The following MACROD2 variants were observed in gnomAD, a reference collection of about 807,000 sequenced individuals.
The protein encoded by MACROD2 is ADP-ribose glycohydrolase MACROD2.
A neutral mutation model predicts 70.4 loss-of-function variants in MACROD2; 36 were observed. The observed-to-expected ratio is 0.51, with a 90% CI of 0.39 to 0.68. The LOEUF (loss-of-function observed/expected upper bound fraction) is 0.68. Among genes scored for constraint, MACROD2 ranks in the 30% least tolerant of loss-of-function variants. MACROD2 has a pLI of 0.00. For missense variants in MACROD2, 496 were observed against 538.4 expected, an observed-to-expected ratio of 0.92 and a Z score of 0.78; for synonymous variants, 172 against 178.8, an observed-to-expected ratio of 0.96 and a Z score of 0.30.
chr20:15,806,851 TA>T (rs913084748), intron 8 of MACROD2, among the ~76,000 whole-genome samples: 3 of 152,106 alleles, frequency 2.0e-5, no homozygotes, highest in Non-Finnish European at 4.4e-5. Flanking sequence ...TAAGGGGTTC[TA>T]AAAAATTGAA....
intron 5 of MACROD2, among the ~76,000 whole-genome samples, chr20:15,179,069 C>T (rs959205687): frequency 1.3e-5 from 2 of 152,108 alleles, no homozygotes; most frequent in Non-Finnish European, 2.9e-5. Flanking sequence ...TCCTATATAA[C>T]CTAGATTGAG....
intron 6 of MACROD2, among the ~76,000 whole-genome samples, chr20:15,333,331 G>T (rs539087805): frequency 3.3e-5 from 5 of 151,624 alleles, no homozygotes; most frequent in Non-Finnish European, 7.4e-5. Flanking sequence ...CTTTTCTGCT[G>T]CCTCTTTCAG....
chr20:14,215,174 T>G (rs978560875), intron 3 of MACROD2, among the ~76,000 whole-genome samples: 3 of 148,416 alleles, frequency 2.0e-5, no homozygotes, highest in Non-Finnish European at 4.4e-5. Context: ...ATATATATAT[T>G]TTCCATCATA....
chr20:14,229,743 T>A (rs1290666994), intron 3 of MACROD2, among the ~76,000 whole-genome samples: 1 of 152,140 alleles, frequency 6.6e-6, no homozygotes, highest in Non-Finnish European at 1.5e-5. Context: ...ACACAAAAAC[T>A]TTTACATGAA....
intron 5 of MACROD2, among the ~76,000 whole-genome samples, chr20:14,686,237 A>C (rs2071000769): frequency 1.3e-5 from 2 of 152,168 alleles, no homozygotes; most frequent in South Asian, 4.1e-4. Flanking sequence ...TCTTTTTTTC[A>C]GATTTTGAAA....
intron 5 of MACROD2, among the ~76,000 whole-genome samples, chr20:15,090,131 C>T (rs2075782069): frequency 6.6e-6 from 1 of 151,642 alleles, no homozygotes; most frequent in South Asian, 2.1e-4. Context: ...TATAAATTCT[C>T]AAAGATATAT....
At chr20:14,652,017 A>G (rs1985703618) in intron 4 of MACROD2, among the ~76,000 whole-genome samples, 1 of 152,172 alleles carries the variant, frequency 6.6e-6, no homozygotes, top group Non-Finnish European at 1.5e-5. Context: ...TTGTAGTTTG[A>G]AAAGCCATAA....
intron 8 of MACROD2, among the ~76,000 whole-genome samples, chr20:15,592,903 C>T (rs1363400709): frequency 3.9e-5 from 6 of 151,966 alleles, no homozygotes; most frequent in Non-Finnish European, 8.8e-5. Context: ...CAAGCTTTTA[C>T]CAGTAAGAAG....
At chr20:15,658,130 AATT>A (rs1257375945) in intron 8 of MACROD2, among the ~76,000 whole-genome samples, 21 of 151,476 alleles carry the variant, frequency 1.4e-4, no homozygotes, top group Non-Finnish European at 1.5e-5. Context: ...ATTAAATAAT[AATT>A]CATTAATAAT....
intron 3 of MACROD2, among the ~76,000 whole-genome samples, chr20:14,236,931 T>C (rs1276549336): frequency 2.6e-5 from 4 of 152,170 alleles, no homozygotes; most frequent in East Asian, 1.9e-4. Context: ...TCCTTCTTTA[T>C]TGCCAAAATT....
chr20:15,597,375 A>T (rs1305695047), intron 8 of MACROD2, among the ~76,000 whole-genome samples: 1 of 152,154 alleles, frequency 6.6e-6, no homozygotes, highest in African/African-American at 2.4e-5. Context: ...CTCTGTTAGG[A>T]TTGGATTTAT....
intron 8 of MACROD2, among the ~76,000 whole-genome samples, chr20:15,826,877 C>T (rs1311302179): frequency 1.3e-5 from 2 of 152,252 alleles, no homozygotes; most frequent in East Asian, 3.9e-4. Context: ...AAAAATGTGG[C>T]TGACATATGA....
intron 3 of MACROD2, among the ~76,000 whole-genome samples, chr20:14,146,305 C>A (rs188872857): frequency 6.6e-6 from 1 of 151,882 alleles, no homozygotes; most frequent in Non-Finnish European, 1.5e-5. Context: ...GGCGACAGAG[C>A]GAGACCTCCG....
intron 5 of MACROD2, among the ~76,000 whole-genome samples, chr20:14,970,815 C>T (rs1361850647): frequency 6.6e-6 from 1 of 152,028 alleles, no homozygotes; most frequent in Admixed American, 6.6e-5. Context: ...TGAGGTCTCA[C>T]TATGTTGTCC....
At chr20:15,538,864 GATTA>G (rs2047914143) in intron 8 of MACROD2, among the ~76,000 whole-genome samples, 1 of 151,930 alleles carries the variant, frequency 6.6e-6, no homozygotes, top group Admixed American at 6.6e-5. Context: ...GATAGCAATG[GATTA>G]AATGGGTATT....
intron 8 of MACROD2, among the ~76,000 whole-genome samples, chr20:15,699,687 G>A (rs1422354141): frequency 6.6e-6 from 1 of 152,162 alleles, no homozygotes; most frequent in Non-Finnish European, 1.5e-5. Context: ...TCCCAGCTGC[G>A]AAAGAAAGGG....
chr20:15,904,807 GGAGGCGGAGCTT>G (rs1261825593), intron 10 of MACROD2, among the ~76,000 whole-genome samples: 1 of 151,292 alleles, frequency 6.6e-6, no homozygotes, highest in Non-Finnish European at 1.5e-5. Context: ...TGTGAAGCTG[GGAGGCGGAGCTT>G]GCAGTGAGCC....
At chr20:14,280,739 A>T (rs1193449395) in intron 3 of MACROD2, among the ~76,000 whole-genome samples, 4 of 152,204 alleles carry the variant, frequency 2.6e-5, no homozygotes, top group Admixed American at 2.6e-4. Context: ...TAGGAAAAAA[A>T]ACTTCCATAT....
intron 8 of MACROD2, among the ~76,000 whole-genome samples, chr20:15,518,702 A>G (rs1368759381): frequency 1.3e-5 from 2 of 152,202 alleles, no homozygotes; most frequent in South Asian, 2.1e-4. Context: ...ATAACATCCT[A>G]TCAGAAAGGC....
Sources: allele counts gnomAD v4.1 joint callset (sites outside exome capture counted in the v4.1 genomes callset), GRCh38; gene constraint gnomAD v4.1.1; transcripts MANE v1.5; gene names NCBI Gene and HGNC (gene_info 2026-07-23, HGNC 2026-07-21).